Variants in TSNARE1 observed in about 807,000 individuals in gnomAD.
TSNARE1 encodes the protein t-SNARE domain-containing protein 1.
TSNARE1 carries 49 observed loss-of-function variants against 62.0 expected under a neutral mutation model. The observed-to-expected ratio is 0.79, with a 90% CI of 0.63 to 1.00. The LOEUF is 1.00. Ranked by LOEUF, TSNARE1 falls within the 50% of genes least tolerant of loss-of-function variation. The pLI is 0.00. For synonymous variants in TSNARE1, 328 were observed against 294.4 expected, an observed-to-expected ratio of 1.11 and a Z score of -1.17; for missense variants, 755 against 700.1, an observed-to-expected ratio of 1.08 and a Z score of -0.88.
intron 2 of TSNARE1, among the ~76,000 whole-genome samples, chr8:142,347,271 G>C (rs1019993057): frequency 2.0e-5 from 3 of 152,242 alleles, no homozygotes; most frequent in Non-Finnish European, 4.4e-5. Context: ...GCCGCAGCCT[G>C]GAGACAGACA....
chr8:142,239,777 G>A (rs533933708), intron 12 of TSNARE1, among the ~76,000 whole-genome samples: 2 of 152,238 alleles, frequency 1.3e-5, no homozygotes, highest in East Asian at 1.9e-4. Context: ...AGAGAATGTC[G>A]GCTCCTCCTG....
intron 12 of TSNARE1, among the ~76,000 whole-genome samples, chr8:142,256,268 TCAC>T (rs1182374565): frequency 2.6e-4 from 11 of 41,516 alleles, no homozygotes; most frequent in Non-Finnish European, 4.0e-4. Flanking sequence ...ACCATCACCA[TCAC>T]CACCACCATT....
At chr8:142,227,984 T>C (rs1445899268) in intron 13 of TSNARE1, among the ~76,000 whole-genome samples, 1 of 152,194 alleles carries the variant, frequency 6.6e-6, no homozygotes, top group Non-Finnish European at 1.5e-5. Flanking sequence ...AAGGGTGGCA[T>C]CCACCCTGTT....
chr8:142,314,379 C>T lies in TSNARE1; in HGVS notation c.1131+5G>A, dbSNP rs1828179429. On this transcript the variant is annotated splice_donor_5th_base_variant and intron_variant, in intron 9 of 13. Transcript: ENST00000524325. ...CACTGACCATGGTCAGTACTCGGCA[C>T]CCACCTGTTTACTGCCCCTCTGCGC... The T allele has an allele frequency of 6.2e-7, 1 of 1,613,388 alleles. No individual in the cohort carries two copies. The highest frequency in any genetic ancestry group is 1.3e-5 in the African/African-American group (1 of 75,044).
At chr8:142,285,042 G>A (rs1197798624) in intron 10 of TSNARE1, among the ~76,000 whole-genome samples, 4 of 152,230 alleles carry the variant, frequency 2.6e-5, no homozygotes, top group Admixed American at 6.5e-5. Flanking sequence ...ATAGATGGAC[G>A]AACGGGTTCA....
chr8:142,315,100 G>C lies in TSNARE1; in HGVS notation c.985-8C>G, dbSNP rs768194872. On this transcript the variant is annotated splice_polypyrimidine_tract_variant and splice_region_variant and intron_variant, in intron 7 of 13. Transcript: ENST00000524325. ...CTGCTGCAGACGCTCCTGCTGCAGA[G>C]AAGGTACAGCTGGCACGGCATGGGA... 1 of 1,614,006 alleles carries C rather than the reference G, an allele frequency of 6.2e-7. No individual in the cohort carries two copies. Among genetic ancestry groups the C allele is most frequent in the South Asian group, 1.1e-5 (1 of 91,080 alleles).
chr8:142,360,156 G>T (rs1835044475), intron 1 of TSNARE1, among the ~76,000 whole-genome samples: 3 of 152,142 alleles, frequency 2.0e-5, no homozygotes, highest in Non-Finnish European at 4.4e-5. Flanking sequence ...AAGAACTCCA[G>T]GAGAAGGCAG....
At chr8:142,360,608 G>A (rs1029444176) in intron 1 of TSNARE1, among the ~76,000 whole-genome samples, 8 of 151,860 alleles carry the variant, frequency 5.3e-5, no homozygotes, top group African/African-American at 7.3e-5. Flanking sequence ...GGCTGGCGCC[G>A]GCCCTCCCCA....
At chr8:142,277,771 G>A (rs1439759991) in intron 11 of TSNARE1, 15 of 985,320 alleles carry the variant, frequency 1.5e-5, no homozygotes, top group South Asian at 4.7e-5. Flanking sequence ...GGTCACAGAA[G>A]TCGAGGCTGG....
rs1817897593 is a variant in TSNARE1, at chr8:142,246,679, G to A, written c.1447-17100C>T. Among the ~76,000 whole-genome samples the A allele has an allele frequency of 2.0e-5, 3 of 152,290 alleles. No individual in the cohort carries two copies. The South Asian group carries it at 6.2e-4, about 32-fold the overall frequency. On this transcript the variant is annotated intron_variant, in intron 12 of 13. Transcript: ENST00000524325. Reference sequence around the variant, plus strand: ...GCCCCTCGTCTTCCCCGTGGAGGCTGGCAGAACGGAGGGATGACCGAGGAC... The same window carrying A: ...GCCCCTCGTCTTCCCCGTGGAGGCTAGCAGAACGGAGGGATGACCGAGGAC...
intron 12 of TSNARE1, chr8:142,270,976 C>T (rs947676595): frequency 1.1e-5 from 11 of 985,518 alleles, no homozygotes; most frequent in Non-Finnish European, 1.3e-5. Flanking sequence ...GGAGTTGTCC[C>T]GGTGCCCTGG....
chr8:142,342,084 G>T (rs1487766920), intron 4 of TSNARE1, among the ~76,000 whole-genome samples: 2 of 152,254 alleles, frequency 1.3e-5, no homozygotes, highest in African/African-American at 4.8e-5. Flanking sequence ...ACAGCAAAGG[G>T]GAGGCCCTGG....
chr8:142,389,930 G>C (rs1255445986), intron 1 of TSNARE1, among the ~76,000 whole-genome samples: 1 of 152,058 alleles, frequency 6.6e-6, no homozygotes, highest in African/African-American at 2.4e-5. Context: ...CCAAATGCTG[G>C]AGCCCAATAC....
intron 4 of TSNARE1, 91 bp from the exon 5 acceptor site, chr8:142,331,922 G>A: frequency 7.8e-7 from 1 of 1,280,916 alleles, no homozygotes; most frequent in East Asian, 2.5e-5. Context: ...GCCCCCAGGG[G>A]CAGGGACCCG....
At chr8:142,280,882 G>A (rs1025050956) in intron 11 of TSNARE1, among the ~76,000 whole-genome samples, 2 of 152,126 alleles carry the variant, frequency 1.3e-5, no homozygotes, top group Non-Finnish European at 2.9e-5. Flanking sequence ...CCTGTATGGG[G>A]CCACAGAGCA....
At chr8:142,277,250 C>T in intron 11 of TSNARE1, 1 of 985,358 alleles carries the variant, frequency 1.0e-6, no homozygotes, top group Non-Finnish European at 1.2e-6. Context: ...CAAGGGATAC[C>T]CAAGCACTAG....
At chr8:142,263,572 A>T (rs953932789) in intron 12 of TSNARE1, among the ~76,000 whole-genome samples, 5 of 152,192 alleles carry the variant, frequency 3.3e-5, no homozygotes, top group African/African-American at 1.2e-4. Flanking sequence ...TTTGTGTAAG[A>T]CTGGATTTCT....
chr8:142,285,929 C>T (rs958935033), intron 10 of TSNARE1, among the ~76,000 whole-genome samples: 2 of 152,222 alleles, frequency 1.3e-5, no homozygotes, highest in Non-Finnish European at 2.9e-5. Context: ...ACACCTGGCA[C>T]CCACCCAGGG....
At chr8:142,338,598 T>C (rs1343035561) in intron 4 of TSNARE1, among the ~76,000 whole-genome samples, 3 of 152,064 alleles carry the variant, frequency 2.0e-5, no homozygotes, top group Admixed American at 6.5e-5. Context: ...ACAGGCTGCC[T>C]GGACCACTGG....
Sources: allele counts gnomAD v4.1 joint callset (sites outside exome capture counted in the v4.1 genomes callset), GRCh38; gene constraint gnomAD v4.1.1; transcripts MANE v1.5; gene names NCBI Gene and HGNC (gene_info 2026-07-23, HGNC 2026-07-21).